The following RUNX1T1 variants were observed in gnomAD, a reference collection of about 807,000 sequenced individuals.
The protein encoded by RUNX1T1 is RUNX1 partner transcriptional co-repressor 1.
RUNX1T1 carries 4 observed loss-of-function variants against 62.8 expected under a neutral mutation model. The observed-to-expected ratio is 0.06, with a 90% confidence interval of 0.03 to 0.15. RUNX1T1 has a LOEUF of 0.15. Among genes scored for constraint, RUNX1T1 ranks in the 10% least tolerant of loss-of-function variants. The probability of loss-of-function intolerance (pLI) is 1.00; values close to 1 mark genes in which losing one functional copy is unlikely to be tolerated. For missense variants in RUNX1T1, 508 were observed against 754.3 expected (o/e 0.67, Z 3.82); for synonymous variants, 291 against 286.0 (o/e 1.02, Z -0.18).
At chr8:92,075,217 T>A (rs1834243289) in intron 2 of RUNX1T1, among the ~76,000 whole-genome samples, 1 of 152,196 alleles carries the variant, frequency 6.6e-6, no homozygotes, top group Non-Finnish European at 1.5e-5. Flanking sequence ...GTGTTGACTC[T>A]CAACTTTTTC....
intron 2 of RUNX1T1, among the ~76,000 whole-genome samples, chr8:92,068,690 T>C (rs1833233617): frequency 6.6e-6 from 1 of 152,090 alleles, no homozygotes; most frequent in African/African-American, 2.4e-5. Flanking sequence ...TACAGAGCTG[T>C]GAGAGACTGC....
downstream of RUNX1T1, chr8:91,956,180 G>A: frequency 4.3e-6 from 1 of 230,776 alleles, no homozygotes. Context: ...ACAGCCAAAA[G>A]GGCCTCTGCT....
intron 5 of RUNX1T1, among the ~76,000 whole-genome samples, chr8:92,001,921 T>C (rs2083844): frequency 0.24 from 37,070 of 152,100 alleles, 4,877 homozygotes; most frequent in African/African-American, 0.34. Context: ...CTTTTCCCTC[T>C]TCCTACACAA....
chr8:91,955,408 CTA>C (rs1192060467), downstream of RUNX1T1: 1 of 227,686 alleles, frequency 4.4e-6, no homozygotes, highest in African/African-American at 2.2e-5. Context: ...AAAAGAGTAA[CTA>C]TGAAATTAAA....
chr8:91,999,686 T>C (rs1819393625), intron 5 of RUNX1T1, among the ~76,000 whole-genome samples: 1 of 152,190 alleles, frequency 6.6e-6, no homozygotes, highest in Non-Finnish European at 1.5e-5. Context: ...TGCTATATGT[T>C]AGTCTGTCAA....
chr8:91,997,537 C>T (rs1437836626), intron 5 of RUNX1T1, among the ~76,000 whole-genome samples: 2 of 152,286 alleles, frequency 1.3e-5, no homozygotes, highest in South Asian at 2.1e-4. Context: ...ACAGACATTT[C>T]ACAAGTCCAA....
chr8:92,009,753 C>G (rs555175041), intron 4 of RUNX1T1: 1 of 151,926 alleles, frequency 6.6e-6, no homozygotes, highest in Non-Finnish European at 1.5e-5. Flanking sequence ...AAACAATTTG[C>G]TTTTAAATAA....
chr8:91,994,970 C>T (rs1818396025), intron 5 of RUNX1T1, among the ~76,000 whole-genome samples: 1 of 152,200 alleles, frequency 6.6e-6, no homozygotes, highest in Non-Finnish European at 1.5e-5. Context: ...GTCCTCTGGC[C>T]AAACCATAAG....
chr8:92,025,454 T>G (rs1197050104), intron 1 of RUNX1T1, among the ~76,000 whole-genome samples: 1 of 152,186 alleles, frequency 6.6e-6, no homozygotes, highest in African/African-American at 2.4e-5. Flanking sequence ...CTGGCTTTCA[T>G]ACTCACTGCA....
intron 8 of RUNX1T1, among the ~76,000 whole-genome samples, chr8:91,979,598 G>C (rs1348197974): frequency 2.0e-5 from 3 of 151,572 alleles, no homozygotes; most frequent in Non-Finnish European, 2.9e-5. Context: ...GATGCAAATT[G>C]CTTGGGGCGG....
intron 1 of RUNX1T1, among the ~76,000 whole-genome samples, chr8:92,044,401 A>C (rs1398173472): frequency 6.6e-6 from 1 of 152,184 alleles, no homozygotes; most frequent in African/African-American, 2.4e-5. Flanking sequence ...GAAAAAGTCA[A>C]TTCCAGACTT....
At chr8:92,014,930 A>G in intron 2 of RUNX1T1, 110 bp from the exon 4 acceptor site, 1 of 1,135,998 alleles carries the variant, frequency 8.8e-7, no homozygotes, top group Non-Finnish European at 1.2e-6. Context: ...ATAAGTTTTT[A>G]AATGTTGGGA....
chr8:92,079,053 A>C (rs993046866), intron 1 of RUNX1T1, among the ~76,000 whole-genome samples: 1 of 152,236 alleles, frequency 6.6e-6, no homozygotes, highest in Non-Finnish European at 1.5e-5. Flanking sequence ...TTTCTCAATC[A>C]CTGCCAGGAA....
intron 1 of RUNX1T1, among the ~76,000 whole-genome samples, chr8:92,057,746 G>T (rs920788211): frequency 6.6e-6 from 1 of 152,084 alleles, no homozygotes; most frequent in Admixed American, 6.5e-5. Flanking sequence ...CCTGTTTCTT[G>T]GTCAGGTGTG....
chr8:92,038,043 C>CTTATTTAT (rs1563818443), intron 1 of RUNX1T1, among the ~76,000 whole-genome samples: 5 of 124,146 alleles, frequency 4.0e-5, no homozygotes, highest in Non-Finnish European at 8.5e-5. Flanking sequence ...ACTCAAAATT[C>CTTATTTAT]TTCTTTATTT....
intron 5 of RUNX1T1, among the ~76,000 whole-genome samples, chr8:91,992,644 G>C (rs1446586725): frequency 6.6e-6 from 1 of 152,150 alleles, no homozygotes; most frequent in Non-Finnish European, 1.5e-5. Context: ...TCAATCAGCA[G>C]TCATACAGAG....
At chr8:92,081,536 G>GTT (rs200036855) in intron 1 of RUNX1T1, among the ~76,000 whole-genome samples, 5 of 134,688 alleles carry the variant, frequency 3.7e-5, no homozygotes, top group Admixed American at 7.5e-5. Context: ...ATGTTTGGTA[G>GTT]TTTTTTTTTT....
chr8:92,004,605 T>C (rs1820381583), intron 5 of RUNX1T1: 1 of 152,396 alleles, frequency 6.6e-6, no homozygotes, highest in Admixed American at 6.5e-5. Flanking sequence ...ACTCTTATCT[T>C]CACTCAGTTC....
At chr8:92,101,257 T>C (rs1447290419), upstream of RUNX1T1, among the ~76,000 whole-genome samples, 1 of 152,170 alleles carries the variant, frequency 6.6e-6, no homozygotes, top group African/African-American at 2.4e-5. Context: ...AGGAGATAAA[T>C]CAATCTGCAG....
Sources: gnomAD v4.1 joint callset for allele counts (sites outside exome capture counted in the v4.1 genomes callset) on GRCh38, gnomAD v4.1.1 for gene constraint, MANE v1.5 for transcripts, NCBI Gene and HGNC (gene_info 2026-07-23, HGNC 2026-07-21) for gene names.